Variants in PDE4D observed in about 807,000 individuals in gnomAD.
PDE4D encodes 3',5'-cyclic-AMP phosphodiesterase 4D.
In PDE4D, 24 loss-of-function variants were observed where a neutral mutation model predicts 87.4. The ratio of observed to expected loss-of-function variants is 0.27; its 90% CI spans 0.20 to 0.39. The LOEUF (loss-of-function observed/expected upper bound fraction) is 0.39, where lower values mean the gene tolerates loss of function less well. Among genes scored for constraint, PDE4D ranks in the 10% least tolerant of loss-of-function variants. The probability of loss-of-function intolerance (pLI) is 1.00; values close to 1 mark genes in which losing one functional copy is unlikely to be tolerated. For missense variants in PDE4D, 714 were observed against 1,041.0 expected (o/e 0.69, Z 4.32); for synonymous variants, 384 against 383.2 (o/e 1.00, Z -0.02).
intron 1 of PDE4D, among the ~76,000 whole-genome samples, chr5:59,334,554 G>A (rs960444233): frequency 3.3e-5 from 5 of 151,938 alleles, no homozygotes; most frequent in South Asian, 4.1e-4. Context: ...CACTGTGCCC[G>A]GTTGATCTAG....
intron 11 of PDE4D, among the ~76,000 whole-genome samples, chr5:58,982,116 G>T (rs1412020679): frequency 6.6e-6 from 1 of 152,168 alleles, no homozygotes; most frequent in Non-Finnish European, 1.5e-5. Flanking sequence ...TAAATTTGCA[G>T]GAACAGGAAG....
rs549492531 is a variant in PDE4D at position 60,023,647 on chromosome 5, G to C, written c.43-34930C>G. On this transcript the variant is annotated intron_variant, in intron 2 of 16. Coordinates refer to the PDE4D transcript ENST00000502484. Reference sequence around the variant, plus strand: ...CTAAAAGGGTGTTACCTGAAGTTTGGCTCTATTCTTTTTTGTGTCACTGCT... The same window carrying C: ...CTAAAAGGGTGTTACCTGAAGTTTGCCTCTATTCTTTTTTGTGTCACTGCT... 2.6e-5 allele frequency among the ~76,000 whole-genome samples: 4 copies of C among 152,148 alleles called. No homozygotes were observed. The South Asian group carries it at 8.3e-4, about 32-fold the overall frequency.
chr5:59,393,162 C>T (rs1273597532), intron 1 of PDE4D, among the ~76,000 whole-genome samples: 1 of 152,050 alleles, frequency 6.6e-6, no homozygotes, highest in Non-Finnish European at 1.5e-5. Flanking sequence ...AAAAGACCTA[C>T]ATATGGAAAG....
chr5:60,247,692 G>A (rs1292669419), intron 1 of PDE4D, among the ~76,000 whole-genome samples: 4 of 151,706 alleles, frequency 2.6e-5, no homozygotes, highest in Non-Finnish European at 5.9e-5. Context: ...CCTTTTTCTA[G>A]AGTCCTCTAG....
intron 1 of PDE4D, among the ~76,000 whole-genome samples, chr5:59,557,185 C>G (rs949947272): frequency 3.9e-5 from 6 of 152,136 alleles, no homozygotes; most frequent in African/African-American, 1.4e-4. Context: ...TTTGCTAAAT[C>G]TAGTCTTAAA....
chr5:59,932,703 A>C (rs1054589240), intron 3 of PDE4D, among the ~76,000 whole-genome samples: 5 of 152,220 alleles, frequency 3.3e-5, no homozygotes, highest in African/African-American at 4.8e-5. Flanking sequence ...ATGATGATTT[A>C]TCCCAACTTG....
intron 1 of PDE4D, among the ~76,000 whole-genome samples, chr5:59,249,588 T>G (rs1759520145): frequency 6.6e-6 from 1 of 152,076 alleles, no homozygotes; most frequent in African/African-American, 2.4e-5. Context: ...CAAAATCTTT[T>G]TAGGGTGAAA....
chr5:59,852,123 T>C (rs746005588), intron 1 of PDE4D, among the ~76,000 whole-genome samples: 10 of 151,890 alleles, frequency 6.6e-5, no homozygotes, highest in Non-Finnish European at 1.5e-4. Flanking sequence ...GGAACCACAA[T>C]AAAGGGAGTA....
chr5:60,002,252 A>G (rs1419308257), intron 2 of PDE4D, among the ~76,000 whole-genome samples: 1 of 152,026 alleles, frequency 6.6e-6, no homozygotes, highest in African/African-American at 2.4e-5. Context: ...AATAGCAAGT[A>G]AGAAGATTGA....
In PDE4D at chr5:60,070,802, C is replaced by A. The variant is rs567709954; in HGVS notation, c.43-82085G>T. On this transcript the variant is annotated intron_variant, in intron 2 of 16. Transcript: ENST00000502484. ...GTTAGAATTTCACCAGTGAAGCCAC[C>A]TGGTACTGGGCTTTTCCTTCCTGGG... 3.3e-5 allele frequency among the ~76,000 whole-genome samples: 5 copies of A among 152,040 alleles called. No individual in the cohort carries two copies. The South Asian group carries it at 1.0e-3, about 32-fold the overall frequency.
chr5:59,986,205 C>T (rs905453945), intron 3 of PDE4D, among the ~76,000 whole-genome samples: 1 of 152,172 alleles, frequency 6.6e-6, no homozygotes, highest in African/African-American at 2.4e-5. Flanking sequence ...CAGGCGCATG[C>T]CACTACACCC....
chr5:59,372,795 C>G (rs1784135421), intron 1 of PDE4D, among the ~76,000 whole-genome samples: 1 of 152,208 alleles, frequency 6.6e-6, no homozygotes, highest in Admixed American at 6.5e-5. Flanking sequence ...TTCACTGCAG[C>G]TGTCCCATCT....
At chr5:60,416,705 C>T (rs1253410415) in intron 1 of PDE4D, among the ~76,000 whole-genome samples, 1 of 152,168 alleles carries the variant, frequency 6.6e-6, no homozygotes, top group African/African-American at 2.4e-5. Flanking sequence ...GTCAGTGAGA[C>T]CAAGAGCCCA....
rs60843912 is a variant in PDE4D at position 59,921,015 on chromosome 5, A to T, written c.272+67473T>A. On this transcript the variant is annotated intron_variant, in intron 3 of 16. Coordinates refer to the PDE4D transcript ENST00000502484. ...TGTACCCTAGAACTTAAAGTATATT[A>T]AAAAAAGTGTCTACCTCATAGTGTT... Among the ~76,000 whole-genome samples the T allele has an allele frequency of 5.3e-3, 808 of 152,252 alleles. 3 individuals carry two copies. Among genetic ancestry groups the T allele is most frequent in the African/African-American group, 0.019 (770 of 41,546 alleles).
chr5:59,631,798 T>C (rs1477626195), intron 1 of PDE4D, among the ~76,000 whole-genome samples: 7 of 152,038 alleles, frequency 4.6e-5, no homozygotes, highest in Non-Finnish European at 1.0e-4. Flanking sequence ...GGGCTCTGGG[T>C]TTCAAGCACA....
At chr5:59,930,388 G>A (rs968597216) in intron 3 of PDE4D, among the ~76,000 whole-genome samples, 5 of 152,130 alleles carry the variant, frequency 3.3e-5, no homozygotes, top group Non-Finnish European at 5.9e-5. Context: ...ACCATGTACT[G>A]ATGGAGATCT....
At chr5:59,731,576 A>G (rs1369139250) in intron 1 of PDE4D, among the ~76,000 whole-genome samples, 1 of 145,752 alleles carries the variant, frequency 6.9e-6, no homozygotes, top group Non-Finnish European at 1.5e-5. Flanking sequence ...TGACAAAAAA[A>G]GACTTTCTAA....
chr5:59,847,657 G>A (rs1347451782), intron 1 of PDE4D, among the ~76,000 whole-genome samples: 2 of 151,994 alleles, frequency 1.3e-5, no homozygotes, highest in Non-Finnish European at 2.9e-5. Flanking sequence ...CTTTGTTTTT[G>A]GAGAAAATCC....
At chr5:59,711,639 G>A (rs1435903276) in intron 1 of PDE4D, among the ~76,000 whole-genome samples, 2 of 152,098 alleles carry the variant, frequency 1.3e-5, no homozygotes, top group African/African-American at 4.8e-5. Context: ...TAACTTCCTA[G>A]TTTTTGTCTA....
Sources: gnomAD v4.1 joint callset for allele counts (sites outside exome capture counted in the v4.1 genomes callset) on GRCh38, gnomAD v4.1.1 for gene constraint, MANE v1.5 for transcripts, NCBI Gene and HGNC (gene_info 2026-07-23, HGNC 2026-07-21) for gene names.